The following SMC5 variants were observed in gnomAD, a reference collection of about 807,000 sequenced individuals.
SMC5 encodes the protein structural maintenance of chromosomes protein 5.
A neutral mutation model predicts 148.3 loss-of-function variants in SMC5; 88 were observed. The observed-to-expected ratio is 0.59, with a 90% CI of 0.50 to 0.71. The LOEUF (loss-of-function observed/expected upper bound fraction) is 0.71. Among genes scored for constraint, SMC5 ranks in the 30% least tolerant of loss-of-function variants. SMC5 has a pLI of 0.00. For synonymous variants in SMC5, 421 were observed against 432.8 expected, an observed-to-expected ratio of 0.97 and a Z score of 0.34; for missense variants, 1,142 against 1,298.9, an observed-to-expected ratio of 0.88 and a Z score of 1.86.
chr9:70,315,438 C>T lies in SMC5; in HGVS notation c.1674-8C>T, dbSNP rs1327316408. Reference sequence around the variant, plus strand: ...GAAGAAAAATCTAATCAATACTTTTCCTTTCAGACAATACGGATTTTTCTC... The same window carrying T: ...GAAGAAAAATCTAATCAATACTTTTTCTTTCAGACAATACGGATTTTTCTC... On this transcript the variant is annotated splice_region_variant and splice_polypyrimidine_tract_variant and intron_variant, in intron 12 of 24. Coordinates refer to ENST00000361138, the MANE Select transcript of SMC5 (RefSeq NM_015110.4). 14 of 1,544,592 alleles carry T rather than the reference C, an allele frequency of 9.1e-6. No individual in the cohort carries two copies. Among genetic ancestry groups the T allele is most frequent in the African/African-American group, 2.7e-5 (2 of 72,864 alleles).
At chr9:70,307,049 T>C (rs1018672760) in intron 11 of SMC5, among the ~76,000 whole-genome samples, 1 of 152,198 alleles carries the variant, frequency 6.6e-6, no homozygotes, top group Non-Finnish European at 1.5e-5. Context: ...CCTCACTTTT[T>C]GTTACTCAAA....
chr9:70,280,704 T>G lies in SMC5; in HGVS notation c.679-55T>G, dbSNP rs2034725347. The G allele has an allele frequency of 1.0e-5, 15 of 1,505,328 alleles. No homozygotes were observed. In the South Asian group the frequency reaches 1.8e-4, roughly 18 times the overall value. The allele number at this position is 1,505,328 out of a possible 1,614,324, so 93.2% of individuals were successfully genotyped here. The stretch of plus-strand genomic sequence containing the variant: ...GTTTATTTTTCATTGTTAAAAGATG[T>G]GACCTGTTGTCATTTTTTCTGTCAA... On this transcript the variant is annotated intron_variant, in intron 5 of 24. Coordinates refer to ENST00000361138, the MANE Select transcript of SMC5 (RefSeq NM_015110.4).
chr9:70,332,523 CAAAAA>C (rs57524323), intron 17 of SMC5, among the ~76,000 whole-genome samples: 2 of 104,202 alleles, frequency 1.9e-5, no homozygotes, highest in African/African-American at 3.7e-5. Flanking sequence ...GACCCTGTCT[CAAAAA>C]AAAAAAAAAA....
chr9:70,315,684 G>A, intron 13 of SMC5, 106 bp downstream of exon 13: 1 of 922,512 alleles, frequency 1.1e-6, no homozygotes, highest in Non-Finnish European at 1.5e-6. Flanking sequence ...AAGTAAGTCT[G>A]TTGTTTTTAA....
At chr9:70,263,627 A>C (rs2034197569) in intron 1 of SMC5, among the ~76,000 whole-genome samples, 1 of 152,198 alleles carries the variant, frequency 6.6e-6, no homozygotes, top group South Asian at 2.1e-4. Context: ...TTAGATGCTA[A>C]CTATAATTAG....
At position 70,305,807 on chromosome 9, in the gene SMC5, C is replaced by CACTG. The variant is rs535074954; in HGVS notation, c.1578+450_1578+451insGACT. On this transcript the variant is annotated intron_variant, in intron 11 of 24. Coordinates refer to ENST00000361138, the MANE Select transcript of SMC5 (RefSeq NM_015110.4). ...ACCCTGTATCTGGCTAGAGAAAGGC[C>CACTG]ACTAAGAATCTAAGCCACCGAAAGA... Among the ~76,000 whole-genome samples the CACTG allele has an allele frequency of 3.9e-3, 597 of 152,140 alleles. 3 individuals are homozygous for CACTG. Among genetic ancestry groups the CACTG allele is most frequent in the African/African-American group, 0.013 (552 of 41,494 alleles).
chr9:70,298,817 A>G (rs1447000138), intron 9 of SMC5, among the ~76,000 whole-genome samples: 1 of 151,732 alleles, frequency 6.6e-6, no homozygotes, highest in Non-Finnish European at 1.5e-5. Flanking sequence ...AAGAGTAAGC[A>G]CTTTTAACTC....
At chr9:70,327,895 G>T (rs2036121926) in intron 17 of SMC5, among the ~76,000 whole-genome samples, 1 of 152,126 alleles carries the variant, frequency 6.6e-6, no homozygotes, top group Admixed American at 6.5e-5. Flanking sequence ...TGTATAGGAA[G>T]CGTGGCTGGG....
chr9:70,263,473 G>A (rs778275955), intron 1 of SMC5, among the ~76,000 whole-genome samples: 2 of 152,220 alleles, frequency 1.3e-5, no homozygotes, highest in Admixed American at 6.5e-5. Flanking sequence ...TTAGTTGGCA[G>A]CTACCTGAGA....
At chr9:70,346,287 T>C in intron 18 of SMC5, 1 of 305,114 alleles carries the variant, frequency 3.3e-6, no homozygotes. Context: ...GTTAAAATAA[T>C]AAGTTTAAGA....
intron 10 of SMC5, among the ~76,000 whole-genome samples, chr9:70,302,791 A>G (rs2035394493): frequency 6.6e-6 from 1 of 152,234 alleles, no homozygotes; most frequent in South Asian, 2.1e-4. Context: ...TACTGGAACC[A>G]CATAAACTGG....
chr9:70,323,650 C>T (rs373453297), intron 16 of SMC5, 44 bp downstream of exon 16: 36 of 1,571,530 alleles, frequency 2.3e-5, no homozygotes, highest in Non-Finnish European at 2.8e-5. Context: ...AAGGAAATAG[C>T]GGGCAGATAA....
chr9:70,347,127 C>G lies in SMC5; in HGVS notation c.2630C>G (p.Ser877Ter). Residue 877 changes from serine to a stop codon, truncating the protein, a stop_gained, in exon 20 of 25, where the codon TCA (serine) becomes TGA (stop). Coordinates refer to ENST00000361138, the MANE Select transcript of SMC5 (RefSeq NM_015110.4). LOFTEE classifies it high-confidence loss of function. ...GATGCTTTATTAACTGAAGAAAGAT[C>G]AAGAGCTTCCTGCTTCACGGGACTG... ...EIDALLTEER[S>*]RASCFTGLNP... The G allele has an allele frequency of 6.2e-7, 1 of 1,613,984 alleles. No homozygotes were observed. The highest frequency in any genetic ancestry group is 1.1e-5 in the South Asian group (1 of 91,070).
chr9:70,344,200 A>G lies in SMC5; in HGVS notation c.2454A>G (p.Glu818=). ...AGAGATTATTGCAGAAATGCAAGGA[A>G]CTTATGAAAAGAGCTAGGCAAGTAT... is the stretch of plus-strand genomic sequence containing the variant. ...NRQRLLQKCK[E]LMKRARQVCN... The change falls in exon 18 of 25, where the codon GAA becomes GAG. Residue 818 remains glutamate, a synonymous_variant. Transcript: ENST00000361138. 6.4e-7 allele frequency: 1 copy of G among 1,563,576 alleles called. No homozygotes were observed. The highest frequency in any genetic ancestry group is 1.2e-5 in the South Asian group (1 of 82,234).
chr9:70,351,464 T>TA (rs538454914), intron 24 of SMC5, among the ~76,000 whole-genome samples: 286 of 152,278 alleles, frequency 1.9e-3, no homozygotes, highest in African/African-American at 6.6e-3. Flanking sequence ...TCACATCTGT[T>TA]AATACCCTAC....
Position 70,259,125 on chromosome 9 carries a change from C to G in SMC5, c.47C>G (p.Ser16Cys). ...ACGTCAACTCCAAGCCCCCAGCCTT[C>G]CAAGAGAGCTCTCCCGAGAGACCCT... is the stretch of plus-strand genomic sequence containing the variant. Reference protein sequence around the residue: ...KKTSTPSPQPSKRALPRDPSS... With the variant: ...KKTSTPSPQPCKRALPRDPSS... Residue 16 changes from serine to cysteine, a missense_variant, in exon 1 of 25, where the codon TCC becomes TGC. By Grantham distance (112) the Ser-to-Cys change is moderately radical. Coordinates refer to ENST00000361138, the MANE Select transcript of SMC5 (RefSeq NM_015110.4). 1.2e-6 allele frequency: 2 copies of G among 1,612,608 alleles called. No homozygotes were observed. The highest frequency in any genetic ancestry group is 1.7e-6 in the Non-Finnish European group (2 of 1,179,294).
intron 15 of SMC5, among the ~76,000 whole-genome samples, chr9:70,322,564 G>A (rs1489617096): frequency 2.0e-5 from 3 of 152,168 alleles, no homozygotes; most frequent in Admixed American, 6.6e-5. Flanking sequence ...GGCCAGGTGC[G>A]GTGGCTCACG....
chr9:70,324,646 G>A (rs960455958), intron 17 of SMC5, among the ~76,000 whole-genome samples: 2 of 151,988 alleles, frequency 1.3e-5, no homozygotes, highest in African/African-American at 2.4e-5. Context: ...ATAGGGGCTC[G>A]GTTCCCAAAA....
At chr9:70,275,170 T>C (rs1255306624) in intron 3 of SMC5, among the ~76,000 whole-genome samples, 1 of 152,118 alleles carries the variant, frequency 6.6e-6, no homozygotes, top group Non-Finnish European at 1.5e-5. Flanking sequence ...TATTGACAGG[T>C]CTCTTTTCTC....
Sources: allele counts gnomAD v4.1 joint callset (sites outside exome capture counted in the v4.1 genomes callset), GRCh38; gene constraint gnomAD v4.1.1; transcripts MANE v1.5; gene names NCBI Gene and HGNC (gene_info 2026-07-23, HGNC 2026-07-21).